The following CTNNA3 variants were observed in gnomAD, a reference collection of about 807,000 sequenced individuals.
CTNNA3 encodes catenin alpha-3.
In CTNNA3, 76 loss-of-function variants were observed where a neutral mutation model predicts 95.7. The ratio of observed to expected loss-of-function variants is 0.79; its 90% confidence interval spans 0.66 to 0.96. The LOEUF is 0.96. CTNNA3 is among the 40% of genes least tolerant of loss of function. The pLI is 0.00. For missense variants in CTNNA3, 1,191 were observed against 1,089.8 expected (o/e 1.09, Z -1.31); for synonymous variants, 431 against 374.4 (o/e 1.15, Z -1.74).
intron 7 of CTNNA3, among the ~76,000 whole-genome samples, chr10:66,809,032 C>T (rs568911819): frequency 6.6e-6 from 1 of 152,246 alleles, no homozygotes; most frequent in Non-Finnish European, 1.5e-5. Flanking sequence ...GTTACCTCCA[C>T]GACTATGTAT....
intron 6 of CTNNA3, among the ~76,000 whole-genome samples, chr10:67,218,334 A>G (rs1008086123): frequency 9.9e-5 from 15 of 152,176 alleles, no homozygotes; most frequent in African/African-American, 3.6e-4. Context: ...GTGTGTATAT[A>G]GAGTGTTTCA....
At chr10:66,921,094 G>A (rs1846762131) in intron 7 of CTNNA3, among the ~76,000 whole-genome samples, 1 of 152,158 alleles carries the variant, frequency 6.6e-6, no homozygotes, top group Non-Finnish European at 1.5e-5. Context: ...TGGCTGGGAA[G>A]TCCAAAATGA....
chr10:67,153,568 C>T (rs1861177458), intron 7 of CTNNA3, among the ~76,000 whole-genome samples: 1 of 152,220 alleles, frequency 6.6e-6, no homozygotes. Context: ...AATTTAAATT[C>T]AGAGTTCTCC....
At chr10:66,022,824 T>C (rs146033704) in intron 15 of CTNNA3, among the ~76,000 whole-genome samples, 1 of 152,306 alleles carries the variant, frequency 6.6e-6, no homozygotes, top group African/African-American at 2.4e-5. Context: ...TTTAGCTGTT[T>C]CCATTTCCTT....
chr10:67,223,369 A>T (rs1864743822), intron 5 of CTNNA3, among the ~76,000 whole-genome samples: 1 of 152,212 alleles, frequency 6.6e-6, no homozygotes, highest in Non-Finnish European at 1.5e-5. Context: ...TTACCCTAAA[A>T]TTTTACATAA....
At position 66,883,642 on chromosome 10, in the gene CTNNA3, A is replaced by C. The variant is rs1423316150; in HGVS notation, c.1048-108118T>G. 2.0e-5 allele frequency among the ~76,000 whole-genome samples: 3 copies of C among 152,082 alleles called. No homozygotes were observed. In the East Asian group the frequency reaches 5.8e-4, roughly 29 times the overall value. On this transcript the variant is annotated intron_variant, in intron 7 of 17. Coordinates refer to ENST00000433211, the MANE Select transcript of CTNNA3 (RefSeq NM_013266.4). ...AAGTGAGTGTTATAAAAGTTAAATA[A>C]TTTTCCCAAAGTCCTTAATTATTAA... is the stretch of plus-strand genomic sequence containing the variant.
intron 2 of CTNNA3, among the ~76,000 whole-genome samples, chr10:67,621,943 C>T (rs931328527): frequency 8.5e-5 from 13 of 152,150 alleles, no homozygotes; most frequent in Admixed American, 2.0e-4. Context: ...CACATTACAA[C>T]AATAGCAGAG....
At chr10:67,019,675 TC>T (rs1852872757) in intron 7 of CTNNA3, among the ~76,000 whole-genome samples, 1 of 152,222 alleles carries the variant, frequency 6.6e-6, no homozygotes, top group Admixed American at 6.5e-5. Flanking sequence ...AAGTCAGGAC[TC>T]CTGGAGGTCT....
chr10:67,665,512 G>A (rs1363035409), intron 1 of CTNNA3: 1 of 152,166 alleles, frequency 6.6e-6, no homozygotes, highest in African/African-American at 2.4e-5. Flanking sequence ...AGCAAAGTTT[G>A]ATTTTTAAAA....
chr10:66,870,008 A>G (rs1027215994), intron 7 of CTNNA3, among the ~76,000 whole-genome samples: 2 of 152,224 alleles, frequency 1.3e-5, no homozygotes, highest in African/African-American at 2.4e-5. Context: ...CTAACATACT[A>G]CTGTCAGGTT....
Position 67,685,344 on chromosome 10 carries a change from G to C in CTNNA3, c.-6+10656C>G, listed in dbSNP as rs192357292. Among the ~76,000 whole-genome samples the C allele has an allele frequency of 4.5e-3, 692 of 152,348 alleles. 11 individuals carry two copies. Among genetic ancestry groups the C allele is most frequent in the African/African-American group, 0.016 (655 of 41,576 alleles). ...AGGTTTAGCTGAGTGCAAACAGCTT[G>C]CACATTTAAGCAGACCAATTATTAG... On this transcript the variant is annotated intron_variant, in intron 1 of 17. Coordinates refer to ENST00000433211, the MANE Select transcript of CTNNA3 (RefSeq NM_013266.4).
At chr10:67,538,441 G>GGCAT (rs1840557096) in intron 4 of CTNNA3, among the ~76,000 whole-genome samples, 1 of 151,792 alleles carries the variant, frequency 6.6e-6, no homozygotes, top group Non-Finnish European at 1.5e-5. Flanking sequence ...AAATTAGCCA[G>GGCAT]GCATGGTGGT....
At chr10:67,214,789 C>T (rs1320506094) in intron 6 of CTNNA3, among the ~76,000 whole-genome samples, 1 of 151,936 alleles carries the variant, frequency 6.6e-6, no homozygotes, top group Admixed American at 6.6e-5. Flanking sequence ...TGTTTAAGAA[C>T]TCGGCTATCA....
In CTNNA3 at chr10:66,121,898, C is replaced by A. The variant is rs1430014065; in HGVS notation, c.1885-18649G>T. ...TTTTAAAATATTTGCTCTTAGACAA[C>A]CAGTAAAATTGTTTCTGGTACAAAA... On this transcript the variant is annotated intron_variant, in intron 13 of 17. Coordinates refer to ENST00000433211, the MANE Select transcript of CTNNA3 (RefSeq NM_013266.4). 3.3e-5 allele frequency among the ~76,000 whole-genome samples: 5 copies of A among 152,242 alleles called. 1 individual carries two copies. The South Asian group carries it at 8.3e-4, about 25-fold the overall frequency.
intron 5 of CTNNA3, among the ~76,000 whole-genome samples, chr10:67,247,237 T>C (rs1452046793): frequency 6.6e-6 from 1 of 152,174 alleles, no homozygotes; most frequent in Non-Finnish European, 1.5e-5. Context: ...GCCATAATCT[T>C]ATGTGTTAAA....
At chr10:66,198,574 C>T (rs776833074) in intron 13 of CTNNA3, among the ~76,000 whole-genome samples, 1 of 152,012 alleles carries the variant, frequency 6.6e-6, no homozygotes, top group Non-Finnish European at 1.5e-5. Flanking sequence ...CTCAGAAATA[C>T]AAGATTATTT....
At chr10:67,628,074 AAATATTT>A (rs1342754929) in intron 2 of CTNNA3, among the ~76,000 whole-genome samples, 1 of 151,530 alleles carries the variant, frequency 6.6e-6, no homozygotes, top group African/African-American at 2.4e-5. Context: ...AAGGTGAATG[AAATATTT>A]AATATTTAAT....
At chr10:66,716,429 A>G (rs10997351) in intron 9 of CTNNA3, among the ~76,000 whole-genome samples, 4,949 of 152,228 alleles carry the variant, frequency 0.033, 215 homozygotes, top group East Asian at 0.22. Flanking sequence ...CATCTCTCAT[A>G]TTGACAGCAG....
intron 11 of CTNNA3, among the ~76,000 whole-genome samples, chr10:66,514,079 A>T (rs767109256): frequency 1.3e-5 from 2 of 152,166 alleles, no homozygotes; most frequent in Non-Finnish European, 2.9e-5. Flanking sequence ...CCTTGGTGTT[A>T]CTAAGCCAAG....
Sources: allele counts gnomAD v4.1 joint callset (sites outside exome capture counted in the v4.1 genomes callset), GRCh38; gene constraint gnomAD v4.1.1; transcripts MANE v1.5; gene names NCBI Gene and HGNC (gene_info 2026-07-23, HGNC 2026-07-21).